Variants in DYNC2H1 observed in about 807,000 individuals in gnomAD.
The protein encoded by DYNC2H1 is cytoplasmic dynein 2 heavy chain 1.
A neutral mutation model predicts 570.0 loss-of-function variants in DYNC2H1; 410 were observed. The observed-to-expected ratio is 0.72, with a 90% CI of 0.66 to 0.78. The LOEUF (loss-of-function observed/expected upper bound fraction) is 0.78. Among genes scored for constraint, DYNC2H1 ranks in the 30% least tolerant of loss-of-function variants. The pLI, the probability that DYNC2H1 is intolerant of heterozygous loss-of-function variation, is 0.00. For synonymous variants in DYNC2H1, 1,688 were observed against 1,677.6 expected (o/e 1.01, Z -0.15); for missense variants, 4,865 against 5,046.4 (o/e 0.96, Z 1.09).
rs952136402 is a variant in DYNC2H1, at chr11:103,140,232, G to T, written c.2575-3036G>T. 5.9e-5 allele frequency among the ~76,000 whole-genome samples: 9 copies of T among 152,268 alleles called. 1 individual carries two copies. Among genetic ancestry groups the T allele is most frequent in the African/African-American group, 2.2e-4 (9 of 41,552 alleles). ...TCACATTTAAAGTTAATATTGTTATGTGTGAATTTGATCCTGTCATTGTGA... is the reference window on the plus strand; with the variant it reads ...TCACATTTAAAGTTAATATTGTTATTTGTGAATTTGATCCTGTCATTGTGA... On this transcript the variant is annotated intron_variant, in intron 17 of 88. Coordinates refer to ENST00000375735, the MANE Select transcript of DYNC2H1 (RefSeq NM_001377.3).
At chr11:103,469,304 T>C (rs966164472) in intron 88 of DYNC2H1, among the ~76,000 whole-genome samples, 17 of 152,326 alleles carry the variant, frequency 1.1e-4, no homozygotes, top group Non-Finnish European at 2.2e-4. Flanking sequence ...CTTTCAACAG[T>C]AGAACTTGGG....
At chr11:103,294,199 A>G (rs188624963) in intron 75 of DYNC2H1, among the ~76,000 whole-genome samples, 38 of 152,330 alleles carry the variant, frequency 2.5e-4, no homozygotes, top group African/African-American at 8.7e-4. Flanking sequence ...TTACTTCAAG[A>G]TTGGTGACTG....
chr11:103,149,752 G>A (rs1236686419), intron 20 of DYNC2H1, among the ~76,000 whole-genome samples: 6 of 151,956 alleles, frequency 3.9e-5, no homozygotes, highest in Admixed American at 3.3e-4. Context: ...TATTCTCATG[G>A]AACATACACG....
chr11:103,155,311 C>A lies in DYNC2H1; in HGVS notation c.3574-20C>A, dbSNP rs554657471. 1.7e-6 allele frequency: 2 copies of A among 1,156,134 alleles called. No homozygotes were observed. Among genetic ancestry groups the A allele is most frequent in the African/African-American group, 3.2e-5 (2 of 62,222 alleles). 71.6% of individuals were successfully genotyped at this position (1,156,134 alleles called of 1,614,324 possible). A position where few individuals can be genotyped will look rare whatever the true frequency, so the allele number is the denominator to read the frequency against. On this transcript the variant is annotated intron_variant, in intron 24 of 88. Transcript: ENST00000375735. ...TATATGTGTATACATATGACTTTTT[C>A]TTTTTTTTTTTTGTAACAGATCGTA...
chr11:103,445,281 G>A (rs1004007554), intron 85 of DYNC2H1, among the ~76,000 whole-genome samples: 2 of 152,164 alleles, frequency 1.3e-5, no homozygotes, highest in Admixed American at 1.3e-4. Flanking sequence ...TCAGCATTTA[G>A]TATATGAAAC....
chr11:103,343,303 C>G (rs1254852467), intron 82 of DYNC2H1, among the ~76,000 whole-genome samples: 4 of 152,156 alleles, frequency 2.6e-5, no homozygotes, highest in Non-Finnish European at 5.9e-5. Context: ...CCTCATGGGT[C>G]CTAACGCCTG....
At chr11:103,255,304 CAT>C in intron 66 of DYNC2H1, 109 bp from the exon 67 acceptor site, 1 of 1,165,638 alleles carries the variant, frequency 8.6e-7, no homozygotes, top group Non-Finnish European at 1.2e-6. Context: ...AATGAGATAA[CAT>C]AGTATCATAT....
rs1692190652 is a variant in DYNC2H1 at position 103,252,750 on chromosome 11, C to A, written c.10043-535C>A. ...TTTCTTTATACATTTTGGATATTAA[C>A]CCCTTATCTGATATATGGTTTATAA... On this transcript the variant is annotated intron_variant, in intron 65 of 88. Coordinates refer to ENST00000375735, the MANE Select transcript of DYNC2H1 (RefSeq NM_001377.3). The surrounding 1 kb of genome is among the most constrained non-coding windows in gnomAD (Gnocchi z 4.6). 6.6e-6 allele frequency among the ~76,000 whole-genome samples: 1 copy of A among 152,070 alleles called. No individual in the cohort carries two copies. The highest frequency in any genetic ancestry group is 1.5e-5 in the Non-Finnish European group (1 of 67,994).
In DYNC2H1 at chr11:103,203,877, A is replaced by T; in HGVS notation, c.8311+101A>T. Reference sequence around the variant, plus strand: ...GTCATTAGATTGCAAAGGTATCTTAAATCTTTTTTCTGGAGCTTTTAGAAA... The same window carrying T: ...GTCATTAGATTGCAAAGGTATCTTATATCTTTTTTCTGGAGCTTTTAGAAA... On this transcript the variant is annotated intron_variant, in intron 51 of 88. Coordinates refer to ENST00000375735, the MANE Select transcript of DYNC2H1 (RefSeq NM_001377.3). The surrounding 1 kb of genome is among the most constrained non-coding windows in gnomAD (Gnocchi z 4.7). 1.3e-6 allele frequency: 1 copy of T among 799,474 alleles called. No individual in the cohort carries two copies. The highest frequency in any genetic ancestry group is 2.1e-5 in the South Asian group (1 of 47,114). The allele number at this position is 799,474 out of a possible 1,614,324, so 49.5% of individuals were successfully genotyped here.
rs1418743908 is a variant in DYNC2H1, at chr11:103,205,598, G to A, written c.8454+634G>A. Among the ~76,000 whole-genome samples the A allele has an allele frequency of 2.6e-5, 4 of 152,124 alleles. No homozygotes were observed. Among genetic ancestry groups the A allele is most frequent in the Admixed American group, 6.6e-5 (1 of 15,260 alleles). Reference sequence around the variant, plus strand: ...AGATATTTTAGCTTGAGGAGGCCACGTGAATAAGAGGCATTCATTAAGAAG... The same window carrying A: ...AGATATTTTAGCTTGAGGAGGCCACATGAATAAGAGGCATTCATTAAGAAG... On this transcript the variant is annotated intron_variant, in intron 52 of 88. Transcript: ENST00000375735. This position sits in a 1 kb window ranked among gnomAD's most constrained non-coding sequence, Gnocchi z 4.5.
At chr11:103,367,821 AC>A (rs1177307129) in intron 83 of DYNC2H1, among the ~76,000 whole-genome samples, 6 of 152,126 alleles carry the variant, frequency 3.9e-5, no homozygotes, top group Non-Finnish European at 7.4e-5. Context: ...CTCCTATGTT[AC>A]CAACGTTTTT....
At chr11:103,190,780 A>G (rs901921349) in intron 45 of DYNC2H1, among the ~76,000 whole-genome samples, 3 of 152,066 alleles carry the variant, frequency 2.0e-5, no homozygotes, top group Admixed American at 6.6e-5. Flanking sequence ...GGTTGGTTGT[A>G]TATTGAAGAG....
intron 83 of DYNC2H1, among the ~76,000 whole-genome samples, chr11:103,381,743 A>G (rs1347314028): frequency 6.6e-6 from 1 of 152,194 alleles, no homozygotes; most frequent in Non-Finnish European, 1.5e-5. Context: ...CACCATGCCC[A>G]ATCTTTTATT....
chr11:103,191,014 A>ATG (rs1470551910), intron 45 of DYNC2H1, among the ~76,000 whole-genome samples: 1 of 126,570 alleles, frequency 7.9e-6, no homozygotes, highest in African/African-American at 3.1e-5. Context: ...CTTAGAATAT[A>ATG]TGTATATATA....
chr11:103,257,384 A>G (rs1452254402), intron 68 of DYNC2H1, among the ~76,000 whole-genome samples: 1 of 152,208 alleles, frequency 6.6e-6, no homozygotes, highest in Non-Finnish European at 1.5e-5. Context: ...AGACTAAGAC[A>G]TATATTCTTT....
intron 65 of DYNC2H1, among the ~76,000 whole-genome samples, chr11:103,253,003 A>T (rs1472919930): frequency 1.3e-5 from 2 of 152,206 alleles, no homozygotes; most frequent in Non-Finnish European, 1.5e-5. Flanking sequence ...GCAATCTGGA[A>T]TATGAAACAT....
chr11:103,378,756 C>T (rs998963934), intron 83 of DYNC2H1, among the ~76,000 whole-genome samples: 3 of 152,194 alleles, frequency 2.0e-5, no homozygotes, highest in Non-Finnish European at 4.4e-5. Flanking sequence ...TCACATTTCT[C>T]TAGTAGACTG....
chr11:103,440,995 A>G (rs1944248681), intron 85 of DYNC2H1, among the ~76,000 whole-genome samples: 1 of 152,140 alleles, frequency 6.6e-6, no homozygotes. Flanking sequence ...TTCTGGTGTT[A>G]AAGCACAGCT....
chr11:103,461,717 G>A lies in DYNC2H1; in HGVS notation c.12648+5361G>A, dbSNP rs1450926248. ...CCCTAGAAAATGTAAACATCCTTTG[G>A]TCTTCAAGGTTTTTTTTTTTTAATA... On this transcript the variant is annotated intron_variant, in intron 87 of 88. Coordinates refer to ENST00000375735, the MANE Select transcript of DYNC2H1 (RefSeq NM_001377.3). This position sits in a 1 kb window ranked among gnomAD's most constrained non-coding sequence, Gnocchi z 4.8. 9.7e-6 allele frequency among the ~76,000 whole-genome samples: 1 copy of A among 103,180 alleles called. No homozygotes were observed. The highest frequency in any genetic ancestry group is 1.8e-5 in the Non-Finnish European group (1 of 55,582). 67.7% of individuals were successfully genotyped at this position (103,180 alleles called of 152,430 possible).
Sources: gnomAD v4.1 joint callset for allele counts (sites outside exome capture counted in the v4.1 genomes callset) on GRCh38, gnomAD v4.1.1 for gene constraint, Gnocchi (gnomAD v3.1) non-coding constraint, MANE v1.5 for transcripts, NCBI Gene and HGNC (gene_info 2026-07-23, HGNC 2026-07-21) for gene names.